NCBP3: variants seen among roughly 807,000 people sequenced by gnomAD.
NCBP3 encodes the protein nuclear cap-binding protein subunit 3.
NCBP3 carries 20 observed loss-of-function variants against 75.7 expected under a neutral mutation model. That is an observed-to-expected ratio of 0.26 (90% confidence interval 0.19 to 0.38). NCBP3 has a LOEUF of 0.38. Ranked by LOEUF, NCBP3 falls within the 10% of genes least tolerant of loss-of-function variation. The pLI, the probability that NCBP3 is intolerant of heterozygous loss-of-function variation, is 1.00. For synonymous variants in NCBP3, 293 were observed against 290.5 expected, an observed-to-expected ratio of 1.01 and a Z score of -0.09; for missense variants, 678 against 796.9, an observed-to-expected ratio of 0.85 and a Z score of 1.80.
At chr17:3,832,763 C>T (rs1339216916) in intron 3 of NCBP3, among the ~76,000 whole-genome samples, 2 of 152,022 alleles carry the variant, frequency 1.3e-5, no homozygotes, top group Non-Finnish European at 2.9e-5. Flanking sequence ...CAGATATATG[C>T]TATTACTTCC....
At chr17:3,845,962 C>A in intron 1 of NCBP3, 79 bp downstream of exon 1, 3 of 1,457,458 alleles carry the variant, frequency 2.1e-6, no homozygotes, top group Admixed American at 4.3e-5. Flanking sequence ...GGGGCTCCGG[C>A]CACCGCCCCT....
At chr17:3,829,912 A>G (rs1007733175) in intron 3 of NCBP3, among the ~76,000 whole-genome samples, 22 of 152,370 alleles carry the variant, frequency 1.4e-4, no homozygotes, top group African/African-American at 5.3e-4. Flanking sequence ...CAAAAGGCCA[A>G]TAAATATATG....
rs1274839560 is a variant in NCBP3, at chr17:3,810,739, T to C, written c.*2305A>G. The C allele has an allele frequency of 7.9e-5, 12 of 152,200 alleles. No homozygotes were observed. The highest frequency in any genetic ancestry group is 7.9e-4 in the Admixed American group (12 of 15,280). The allele number at this position is 152,200 out of a possible 1,614,324, so 9.4% of individuals were successfully genotyped here. A position where few individuals can be genotyped will look rare whatever the true frequency, so the allele number is the denominator to read the frequency against. ...TTTCTGGGTTCTCTCTGTGTGTCTG[T>C]GAAAACTGTAAGGTTACTCGAGTGT... On this transcript the variant is annotated 3_prime_UTR_variant, in exon 13 of 13. Transcript: ENST00000389005.
intron 11 of NCBP3, among the ~76,000 whole-genome samples, chr17:3,815,877 C>T (rs929744493): frequency 6.6e-6 from 1 of 152,198 alleles, no homozygotes; most frequent in East Asian, 1.9e-4. Flanking sequence ...AGCAAGCCCC[C>T]AGACATACCA....
chr17:3,836,141 C>G (rs1054212618), intron 3 of NCBP3, among the ~76,000 whole-genome samples: 1 of 152,188 alleles, frequency 6.6e-6, no homozygotes, highest in African/African-American at 2.4e-5. Flanking sequence ...GTATTAATAA[C>G]AAATAACTTG....
At position 3,812,986 on chromosome 17, in the gene NCBP3, G is replaced by T. The variant is rs984351795; in HGVS notation, c.*58C>A. On this transcript the variant is annotated 3_prime_UTR_variant, in exon 13 of 13. Transcript: ENST00000389005. The stretch of plus-strand genomic sequence containing the variant: ...CCTGCGGGGGAGGTTCCTACTGCGC[G>T]CCCCACCCTGTGCAAGAATGTCAGG... The T allele has an allele frequency of 8.7e-6, 14 of 1,606,416 alleles. No homozygotes were observed. The highest frequency in any genetic ancestry group is 8.5e-7 in the Non-Finnish European group (1 of 1,176,030).
intron 11 of NCBP3, among the ~76,000 whole-genome samples, 177 bp downstream of exon 11, chr17:3,815,939 A>C (rs1176858351): frequency 6.6e-6 from 1 of 152,192 alleles, no homozygotes; most frequent in African/African-American, 2.4e-5. Context: ...AGTTTTTCAG[A>C]AGTCTGATTA....
chr17:3,816,306 A>G (rs1407606596), intron 10 of NCBP3, 36 bp from the exon 11 acceptor site: 1 of 1,581,054 alleles, frequency 6.3e-7, no homozygotes, highest in Non-Finnish European at 8.6e-7. Context: ...ACAGTTAACC[A>G]ACTTCAACTG....
intron 7 of NCBP3, chr17:3,824,071 T>G (rs1226835397): frequency 6.6e-6 from 1 of 152,194 alleles, no homozygotes; most frequent in Non-Finnish European, 1.5e-5. Flanking sequence ...CACTCAGTCC[T>G]GGATGGATCC....
At chr17:3,820,997 G>T (rs1376910529) in intron 9 of NCBP3, among the ~76,000 whole-genome samples, 1 of 151,954 alleles carries the variant, frequency 6.6e-6, no homozygotes, top group African/African-American at 2.4e-5. Flanking sequence ...GGATCCTAAG[G>T]AAAGTTTTGT....
At chr17:3,815,675 A>C (rs2053517116) in intron 11 of NCBP3, among the ~76,000 whole-genome samples, 1 of 152,238 alleles carries the variant, frequency 6.6e-6, no homozygotes, top group Non-Finnish European at 1.5e-5. Context: ...AGTACAGCAA[A>C]AAATAATACA....
At chr17:3,836,831 C>G (rs111327828) in intron 3 of NCBP3, among the ~76,000 whole-genome samples, 1,986 of 152,106 alleles carry the variant, frequency 0.013, 38 homozygotes, top group African/African-American at 0.043. Context: ...ACCAATGGTC[C>G]TCAATCCTGT....
intron 5 of NCBP3, 26 bp downstream of exon 5, chr17:3,826,061 C>T (rs1456858964): frequency 1.3e-6 from 2 of 1,545,942 alleles, no homozygotes; most frequent in South Asian, 2.4e-5. Context: ...ACTTTCAGAC[C>T]CCAGTTCCCT....
At chr17:3,841,134 G>A (rs1191358635) in intron 2 of NCBP3, among the ~76,000 whole-genome samples, 1 of 152,024 alleles carries the variant, frequency 6.6e-6, no homozygotes, top group African/African-American at 2.4e-5. Flanking sequence ...ACACCACCAC[G>A]CCCAGCTAAT....
At chr17:3,844,309 G>A (rs1248474922) in intron 1 of NCBP3, among the ~76,000 whole-genome samples, 1 of 152,270 alleles carries the variant, frequency 6.6e-6, no homozygotes, top group Admixed American at 6.5e-5. Flanking sequence ...AGTTTCCTCT[G>A]TGGTATCTAC....
intron 6 of NCBP3, 26 bp from the exon 7 acceptor site, chr17:3,825,076 A>AT: frequency 7.7e-7 from 1 of 1,300,914 alleles, no homozygotes; most frequent in Non-Finnish European, 1.1e-6. Flanking sequence ...TATTTTTAAT[A>AT]TAAAAATTAA....
intron 1 of NCBP3, among the ~76,000 whole-genome samples, chr17:3,843,828 G>C (rs1597418456): frequency 1.3e-5 from 2 of 152,276 alleles, no homozygotes; most frequent in South Asian, 2.1e-4. Flanking sequence ...ACAGGCATGA[G>C]CCACCACACC....
chr17:3,821,033 G>C (rs1440542275), intron 9 of NCBP3, among the ~76,000 whole-genome samples: 2 of 151,874 alleles, frequency 1.3e-5, no homozygotes, highest in African/African-American at 4.8e-5. Flanking sequence ...GTCATATTTT[G>C]CCTTTTTTGA....
In NCBP3 at chr17:3,844,728, T is replaced by A. The variant is rs139543454; in HGVS notation, c.183+1313A>T. 5.2e-4 allele frequency among the ~76,000 whole-genome samples: 79 copies of A among 152,322 alleles called. No homozygotes were observed. In the East Asian group the frequency reaches 9.5e-3, roughly 18 times the overall value. The stretch of plus-strand genomic sequence containing the variant: ...AGCCGGGCACGGTGGCACATCCCTG[T>A]AATCTCAACTACTTGGGAGGCTGAG... On this transcript the variant is annotated intron_variant, in intron 1 of 12. Transcript: ENST00000389005.
Sources: gnomAD v4.1 joint callset for allele counts (sites outside exome capture counted in the v4.1 genomes callset) on GRCh38, gnomAD v4.1.1 for gene constraint, MANE v1.5 for transcripts, NCBI Gene and HGNC (gene_info 2026-07-23, HGNC 2026-07-21) for gene names.